MACROD2: variants seen among roughly 807,000 people sequenced by gnomAD.
The protein encoded by MACROD2 is mono-ADP ribosylhydrolase 2.
MACROD2 carries 36 observed loss-of-function variants against 70.4 expected under a neutral mutation model. The ratio of observed to expected loss-of-function variants is 0.51; its 90% CI spans 0.39 to 0.68. The LOEUF (loss-of-function observed/expected upper bound fraction) is 0.68. Ranked by LOEUF, MACROD2 falls within the 30% of genes least tolerant of loss-of-function variation. The pLI, the probability that MACROD2 is intolerant of heterozygous loss-of-function variation, is 0.00. For synonymous variants in MACROD2, 172 were observed against 178.8 expected, an observed-to-expected ratio of 0.96 and a Z score of 0.30; for missense variants, 496 against 538.4, an observed-to-expected ratio of 0.92 and a Z score of 0.78.
At position 15,454,448 on chromosome 20, in the gene MACROD2, CACACA is replaced by C. The variant is rs1568820076; in HGVS notation, c.571+23014_571+23018del. ...ACACACACACACACACACACACACA[CACACA>C]CCCTTATTATACAACTTAGTTTCCG... is the stretch of plus-strand genomic sequence containing the variant. On this transcript the variant is annotated intron_variant, in intron 7 of 17. Coordinates refer to ENST00000684519, the MANE Select transcript of MACROD2 (RefSeq NM_001351661.2). Among the ~76,000 whole-genome samples, 358 of 147,110 alleles carry C rather than the reference CACACA, an allele frequency of 2.4e-3. 1 individual carries two copies. Among genetic ancestry groups the C allele is most frequent in the African/African-American group, 8.5e-3 (339 of 39,682 alleles).
In MACROD2 at chr20:14,326,437, T is replaced by C. The variant is rs775345656; in HGVS notation, c.272-167042T>C. On this transcript the variant is annotated intron_variant, in intron 3 of 17. Transcript: ENST00000684519. This position sits in a 1 kb window ranked among gnomAD's most constrained non-coding sequence, Gnocchi z 5.5. Reference sequence around the variant, plus strand: ...CTGAATGGTGCTTACAATCCCACTGTCCTTACAATCAAACAGTTCTGCATT... The same window carrying C: ...CTGAATGGTGCTTACAATCCCACTGCCCTTACAATCAAACAGTTCTGCATT... 1.2e-6 allele frequency: 2 copies of C among 1,613,724 alleles called. No individual in the cohort carries two copies. Among genetic ancestry groups the C allele is most frequent in the East Asian group, 4.5e-5 (2 of 44,872 alleles).
chr20:16,018,174 A>T (rs1220623063), intron 15 of MACROD2, among the ~76,000 whole-genome samples: 1 of 152,242 alleles, frequency 6.6e-6, no homozygotes, highest in Non-Finnish European at 1.5e-5. Context: ...TATGAGGAAG[A>T]GGACAACGCA....
At chr20:14,065,655 G>T (rs2053746580) in intron 2 of MACROD2, among the ~76,000 whole-genome samples, 1 of 152,118 alleles carries the variant, frequency 6.6e-6, no homozygotes, top group African/African-American at 2.4e-5. Context: ...TCACAACAAT[G>T]CTGTGAGAGA....
chr20:14,050,351 A>G (rs947200883), intron 2 of MACROD2, among the ~76,000 whole-genome samples: 6 of 152,146 alleles, frequency 3.9e-5, no homozygotes, highest in African/African-American at 1.4e-4. Context: ...CTATCCCAAA[A>G]GTAAAGCCTT....
rs1600755653 is a variant in MACROD2 at position 15,683,550 on chromosome 20, A to C, written c.646-179195A>C. 5.3e-5 allele frequency among the ~76,000 whole-genome samples: 8 copies of C among 152,270 alleles called. No individual in the cohort carries two copies. In the South Asian group the frequency reaches 1.7e-3, roughly 32 times the overall value. On this transcript the variant is annotated intron_variant, in intron 8 of 17. Transcript: ENST00000684519. The stretch of plus-strand genomic sequence containing the variant: ...GCCACCCATCTGAGGGACCCAGAGC[A>C]AGTCATTTACCATCCCTCAGGTTGT...
chr20:15,103,575 G>A (rs1305395076), intron 5 of MACROD2, among the ~76,000 whole-genome samples: 1 of 152,158 alleles, frequency 6.6e-6, no homozygotes, highest in Non-Finnish European at 1.5e-5. Context: ...TTGGCTGTAA[G>A]TACCTCTATC....
At chr20:15,457,960 A>AAG (rs1302781575) in intron 7 of MACROD2, among the ~76,000 whole-genome samples, 7 of 150,808 alleles carry the variant, frequency 4.6e-5, no homozygotes, top group African/African-American at 1.7e-4. Context: ...AAAAAAAAAA[A>AAG]AAGAAAAAAG....
At chr20:15,209,818 C>A (rs1431554051) in intron 5 of MACROD2, among the ~76,000 whole-genome samples, 1 of 152,192 alleles carries the variant, frequency 6.6e-6, no homozygotes, top group Non-Finnish European at 1.5e-5. Context: ...CTCTGAAAAT[C>A]TTTCCAGAAG....
At chr20:15,834,547 A>T (rs1296361712) in intron 8 of MACROD2, among the ~76,000 whole-genome samples, 2 of 151,930 alleles carry the variant, frequency 1.3e-5, no homozygotes, top group Non-Finnish European at 2.9e-5. Context: ...TTCCCCATAT[A>T]CATTGCTTGC....
At chr20:15,576,117 G>A (rs1220697057) in intron 8 of MACROD2, among the ~76,000 whole-genome samples, 2 of 151,374 alleles carry the variant, frequency 1.3e-5, no homozygotes, top group African/African-American at 4.8e-5. Context: ...TTTTTAATTT[G>A]TATGCACTAA....
chr20:15,316,975 A>G (rs2146162249), intron 6 of MACROD2, among the ~76,000 whole-genome samples: 1 of 152,230 alleles, frequency 6.6e-6, no homozygotes, highest in East Asian at 1.9e-4. Context: ...CAAAGAAGAA[A>G]TCACTCTGGT....
chr20:15,490,461 A>G (rs1383536666), intron 7 of MACROD2, among the ~76,000 whole-genome samples: 1 of 151,950 alleles, frequency 6.6e-6, no homozygotes, highest in East Asian at 1.9e-4. Flanking sequence ...AGATCTCTCT[A>G]TGTTGCCAAG....
intron 4 of MACROD2, among the ~76,000 whole-genome samples, chr20:14,630,501 A>G (rs1412643230): frequency 6.6e-6 from 1 of 152,240 alleles, no homozygotes; most frequent in Non-Finnish European, 1.5e-5. Flanking sequence ...TTTTCTAAAA[A>G]TTCATGTAAC....
chr20:15,656,605 C>T (rs1165831507), intron 8 of MACROD2, among the ~76,000 whole-genome samples: 1 of 152,004 alleles, frequency 6.6e-6, no homozygotes, highest in African/African-American at 2.4e-5. Context: ...AATATGAGTC[C>T]AATAAGGAAA....
At chr20:15,084,864 C>A (rs945388711) in intron 5 of MACROD2, among the ~76,000 whole-genome samples, 1 of 152,098 alleles carries the variant, frequency 6.6e-6, no homozygotes, top group Non-Finnish European at 1.5e-5. Flanking sequence ...CCTACAGATT[C>A]AATGCAATAC....
chr20:15,759,707 G>A (rs570897438), intron 8 of MACROD2, among the ~76,000 whole-genome samples: 3 of 152,332 alleles, frequency 2.0e-5, no homozygotes, highest in Non-Finnish European at 2.9e-5. Context: ...CTATTGCGAC[G>A]TAGACTATTT....
At chr20:15,874,945 G>A (rs2147188721) in intron 9 of MACROD2, among the ~76,000 whole-genome samples, 1 of 152,220 alleles carries the variant, frequency 6.6e-6, no homozygotes, top group South Asian at 2.1e-4. Flanking sequence ...AATTGAAAGA[G>A]GAAAGCAGAA....
chr20:14,400,980 G>A (rs1001860545), intron 3 of MACROD2, among the ~76,000 whole-genome samples: 4 of 152,154 alleles, frequency 2.6e-5, no homozygotes, highest in Non-Finnish European at 5.9e-5. Flanking sequence ...CATCATTACA[G>A]AGATGCAGGC....
At chr20:15,197,531 C>T (rs181812689) in intron 5 of MACROD2, among the ~76,000 whole-genome samples, 67 of 152,306 alleles carry the variant, frequency 4.4e-4, no homozygotes, top group Admixed American at 1.6e-3. Context: ...AGACTACCCA[C>T]TAGACAATTG....
Sources: gnomAD v4.1 joint callset for allele counts (sites outside exome capture counted in the v4.1 genomes callset) on GRCh38, gnomAD v4.1.1 for gene constraint, Gnocchi (gnomAD v3.1) non-coding constraint, MANE v1.5 for transcripts, NCBI Gene and HGNC (gene_info 2026-07-23, HGNC 2026-07-21) for gene names.